CCR5AS: variants seen among roughly 807,000 people sequenced by gnomAD.
CCR5AS encodes CCR5 antisense RNA.
chr3:46,390,174 G>A (rs936697926), intron 2 of CCR5AS, among the ~76,000 whole-genome samples: 1 of 152,150 alleles, frequency 6.6e-6, no homozygotes, highest in African/African-American at 2.4e-5. Context: ...TGTTGGGACT[G>A]GTGGGTGTCA....
chr3:46,390,598 A>T (rs79343170), intron 2 of CCR5AS, among the ~76,000 whole-genome samples: 45,611 of 151,894 alleles, frequency 0.3, 7,838 homozygotes, highest in East Asian at 0.56. Flanking sequence ...GAGTAGAGGT[A>T]TCTTATACTT....
At chr3:46,376,614 G>T (rs1423148918) in intron 2 of CCR5AS, among the ~76,000 whole-genome samples, 1 of 152,172 alleles carries the variant, frequency 6.6e-6, no homozygotes, top group Non-Finnish European at 1.5e-5. Flanking sequence ...TCACTTACCC[G>T]CAGCCCTGAG....
At chr3:46,365,859 C>A (rs1018962947) in intron 3 of CCR5AS, among the ~76,000 whole-genome samples, 1 of 152,196 alleles carries the variant, frequency 6.6e-6, no homozygotes, top group Non-Finnish European at 1.5e-5. Context: ...CACTCTTGAT[C>A]CTTGCAGCCT....
chr3:46,377,736 C>T (rs1024054544), intron 2 of CCR5AS, among the ~76,000 whole-genome samples: 4 of 151,580 alleles, frequency 2.6e-5, no homozygotes, highest in Non-Finnish European at 4.4e-5. Context: ...GATGGAGTCT[C>T]GCTCTGTTGC....
At chr3:46,402,948 G>A (rs1399812415) in intron 1 of CCR5AS, among the ~76,000 whole-genome samples, 2 of 152,110 alleles carry the variant, frequency 1.3e-5, no homozygotes, top group Admixed American at 6.6e-5. Flanking sequence ...GAGTTCATGT[G>A]TTCTCATCAT....
chr3:46,403,679 G>A (rs1391057316), intron 1 of CCR5AS, among the ~76,000 whole-genome samples: 3 of 152,220 alleles, frequency 2.0e-5, no homozygotes, highest in Non-Finnish European at 4.4e-5. Flanking sequence ...TGGGGCTGCT[G>A]AGCAGGAAAC....
At chr3:46,383,613 C>T (rs1231617704) in intron 2 of CCR5AS, among the ~76,000 whole-genome samples, 2 of 152,138 alleles carry the variant, frequency 1.3e-5, no homozygotes, top group Non-Finnish European at 2.9e-5. Context: ...CACTCTCCTA[C>T]TGTGGAGGCC....
chr3:46,397,618 G>A (rs1255987123), intron 1 of CCR5AS, among the ~76,000 whole-genome samples: 1 of 152,122 alleles, frequency 6.6e-6, no homozygotes, highest in East Asian at 1.9e-4. Flanking sequence ...CCATCAGGAG[G>A]GAGCCAGGGC....
At chr3:46,396,502 G>C (rs963358101) in intron 1 of CCR5AS, among the ~76,000 whole-genome samples, 65 of 152,314 alleles carry the variant, frequency 4.3e-4, no homozygotes, top group African/African-American at 1.6e-3. Flanking sequence ...GATACTGTGA[G>C]ACTCTGCCCA....
At chr3:46,385,865 T>C (rs1266096366) in intron 2 of CCR5AS, among the ~76,000 whole-genome samples, 1 of 152,038 alleles carries the variant, frequency 6.6e-6, no homozygotes, top group African/African-American at 2.4e-5. Context: ...CTCAGCCTCC[T>C]GAGCAGCAGG....
In CCR5AS at chr3:46,400,910, T is replaced by C. The variant is rs112737927; in HGVS notation, n.163+5987A>G. ...CAAAAAATGGCACCGAGGCCAAGGA[T>C]GTCACCTTCTGACTCCCAAATCTGA... On this transcript the variant is annotated intron_variant and non_coding_transcript_variant, in intron 1 of 3. Coordinates refer to ENST00000451485, the Ensembl canonical transcript of CCR5AS. 2.1e-3 allele frequency among the ~76,000 whole-genome samples: 321 copies of C among 152,300 alleles called. 1 individual carries two copies. Among genetic ancestry groups the C allele is most frequent in the African/African-American group, 6.9e-3 (288 of 41,554 alleles).
intron 2 of CCR5AS, among the ~76,000 whole-genome samples, chr3:46,372,400 G>A (rs532495909): frequency 7.2e-5 from 11 of 152,022 alleles, no homozygotes; most frequent in Non-Finnish European, 1.6e-4. Context: ...GTGTGGTGGC[G>A]CCTGTAGTCC....
chr3:46,367,892 TAA>T (rs1411047043), intron 3 of CCR5AS, among the ~76,000 whole-genome samples: 1 of 152,236 alleles, frequency 6.6e-6, no homozygotes, highest in Non-Finnish European at 1.5e-5. Flanking sequence ...TTTTTAAAAA[TAA>T]AAGATTCATT....
intron 2 of CCR5AS, chr3:46,372,993 C>T (rs777944058): frequency 2.9e-5 from 47 of 1,613,840 alleles, no homozygotes; most frequent in East Asian, 4.5e-5. Context: ...AATCGCAGCC[C>T]GCCTCCTGCC....
intron 2 of CCR5AS, among the ~76,000 whole-genome samples, chr3:46,377,278 T>A (rs556811914): frequency 1.3e-5 from 2 of 152,328 alleles, no homozygotes; most frequent in East Asian, 3.9e-4. Flanking sequence ...GCCCATGCCT[T>A]TACTCCTTGG....
intron 2 of CCR5AS, among the ~76,000 whole-genome samples, chr3:46,387,681 G>T (rs1483934401): frequency 2.0e-5 from 3 of 152,196 alleles, no homozygotes; most frequent in Admixed American, 1.3e-4. Context: ...CCTGAAGGTG[G>T]TTGTGTTACG....
At position 46,386,141 on chromosome 3, in the gene CCR5AS, C is replaced by A. The variant is rs1701860025; in HGVS notation, n.391+6684G>T. Among the ~76,000 whole-genome samples, 3 of 151,996 alleles carry A rather than the reference C, an allele frequency of 2.0e-5. No individual in the cohort carries two copies. The South Asian group carries it at 6.2e-4, about 32-fold the overall frequency. On this transcript the variant is annotated intron_variant and non_coding_transcript_variant, in intron 2 of 3. Coordinates refer to ENST00000451485, the Ensembl canonical transcript of CCR5AS. ...ATGTTCCCCAGGCTGGTCTTGAACT[C>A]CTGGACTCAGGTGATCAGCCTGCCT... is the stretch of plus-strand genomic sequence containing the variant.
At chr3:46,370,151 G>GATTATATC (rs1701642796) in intron 3 of CCR5AS, among the ~76,000 whole-genome samples, 1 of 152,128 alleles carries the variant, frequency 6.6e-6, no homozygotes, top group Admixed American at 6.6e-5. Flanking sequence ...GCTTCAGATA[G>GATTATATC]ATTATATCTG....
At chr3:46,378,506 T>C (rs1177127730) in intron 2 of CCR5AS, among the ~76,000 whole-genome samples, 1 of 152,140 alleles carries the variant, frequency 6.6e-6, no homozygotes, top group East Asian at 1.9e-4. Context: ...GTGAATCTTT[T>C]ACAAGCTAGG....
Sources: allele counts gnomAD v4.1 joint callset (sites outside exome capture counted in the v4.1 genomes callset), GRCh38; gene constraint gnomAD v4.1.1; transcripts MANE v1.5; gene names NCBI Gene and HGNC (gene_info 2026-07-23, HGNC 2026-07-21).